Variants in SLC34A1 observed in about 807,000 individuals in gnomAD.
SLC34A1 encodes the protein solute carrier family 34 member 1, also known as sodium-dependent phosphate transport protein 2A.
A neutral mutation model predicts 51.4 loss-of-function variants in SLC34A1; 57 were observed. The ratio of observed to expected loss-of-function variants is 1.11; its 90% CI spans 0.90 to 1.38. The LOEUF is 1.38. SLC34A1 is among the 40% of genes most tolerant of loss of function. The pLI, the probability that SLC34A1 is intolerant of heterozygous loss-of-function variation, is 0.00. For synonymous variants in SLC34A1, 368 were observed against 358.0 expected (o/e 1.03, Z -0.32); for missense variants, 796 against 835.6 (o/e 0.95, Z 0.58).
chr5:177,397,194 A>G, intron 12 of SLC34A1, 120 bp downstream of exon 12: 1 of 1,328,562 alleles, frequency 7.5e-7, no homozygotes, highest in Non-Finnish European at 1.0e-6. Flanking sequence ...GCCACCTAAT[A>G]TGCTCAATGA....
rs1762571255 is a variant in SLC34A1, at chr5:177,386,348, A to G, written c.387A>G (p.Gly129=). The G allele has an allele frequency of 6.2e-7, 1 of 1,614,060 alleles. No homozygotes were observed. The highest frequency in any genetic ancestry group is 8.5e-7 in the Non-Finnish European group (1 of 1,180,030). Residue 129 remains glycine, a splice_region_variant and synonymous_variant, in exon 4 of 13, where the codon GGA becomes GGG. Transcript: ENST00000324417. The surrounding 1 kb of genome is among the most constrained non-coding windows in gnomAD (Gnocchi z 4.8). ...DMLSSAFQLA[G]GKVAGDIFKD... ...TCAGCTCGGCCTTCCAGCTGGCTGG[A>G]GGTAGGGCCCGGGTGGAGGAGACCT...
chr5:177,393,258 T>G (rs189625735), intron 8 of SLC34A1, among the ~76,000 whole-genome samples: 93 of 151,956 alleles, frequency 6.1e-4, no homozygotes, highest in African/African-American at 2.2e-3. Context: ...TAGAGGAGAA[T>G]GGAGCTTGAG....
intron 8 of SLC34A1, among the ~76,000 whole-genome samples, chr5:177,391,504 T>C (rs1471761411): frequency 6.6e-6 from 1 of 152,104 alleles, no homozygotes; most frequent in Non-Finnish European, 1.5e-5. Context: ...GTTAGGTCAG[T>C]GGGGCACACG....
intron 1 of SLC34A1, among the ~76,000 whole-genome samples, chr5:177,385,022 G>A (rs557271165): frequency 6.6e-6 from 1 of 152,058 alleles, no homozygotes; most frequent in East Asian, 2.0e-4. Flanking sequence ...GCGGGGACAA[G>A]GGGGGGCTGA....
intron 8 of SLC34A1, chr5:177,389,819 G>A: frequency 1.1e-5 from 16 of 1,519,774 alleles, no homozygotes; most frequent in East Asian, 2.5e-5. Context: ...GGTTCACTCT[G>A]GGGAGGCCGC....
At position 177,386,916 on chromosome 5, in the gene SLC34A1, T is replaced by C. The variant is rs1272926529; in HGVS notation, c.532+350T>C. Among the ~76,000 whole-genome samples, 3 of 152,068 alleles carry C rather than the reference T, an allele frequency of 2.0e-5. No individual in the cohort carries two copies. The highest frequency in any genetic ancestry group is 7.2e-5 in the African/African-American group (3 of 41,406). On this transcript the variant is annotated intron_variant, in intron 5 of 12. Transcript: ENST00000324417. The surrounding 1 kb of genome is among the most constrained non-coding windows in gnomAD (Gnocchi z 4.8). The stretch of plus-strand genomic sequence containing the variant: ...CAGTTCTGCTTGAGGCCTTTCATTC[T>C]ATTGGATTAGGCTGACCCAGGTTAC...
chr5:177,393,421 A>G (rs540058030), intron 8 of SLC34A1, among the ~76,000 whole-genome samples: 4 of 152,198 alleles, frequency 2.6e-5, no homozygotes, highest in African/African-American at 9.6e-5. Flanking sequence ...GGAGGAAAAG[A>G]AAGACAGGAA....
In SLC34A1 at chr5:177,385,844, C is replaced by T. The variant is rs1371090112; in HGVS notation, c.103C>T (p.Pro35Ser). The stretch of plus-strand genomic sequence containing the variant: ...GACGGCCTTTGCCTACGTGCCCAGC[C>T]CTCAGGGTAAGTGCTGCTCCCACAC... The part of the protein sequence containing the change: ...RGTAFAYVPS[P>S]QVLHRIPGTS... The change falls in exon 2 of 13, where the codon CCT becomes TCT. Residue 35 changes from proline to serine, a missense_variant. Coordinates refer to ENST00000324417, the MANE Select transcript of SLC34A1 (RefSeq NM_003052.5). 2 of 1,613,632 alleles carry T rather than the reference C, an allele frequency of 1.2e-6. No homozygotes were observed. The highest frequency in any genetic ancestry group is 1.7e-6 in the Non-Finnish European group (2 of 1,179,864).
rs1478888061 is a variant in SLC34A1 at position 177,396,971 on chromosome 5, A to G, written c.1313A>G (p.Glu438Gly). 11 of 1,614,034 alleles carry G rather than the reference A, an allele frequency of 6.8e-6. No individual in the cohort carries two copies. The South Asian group carries it at 1.2e-4, about 18-fold the overall frequency. The change falls in exon 12 of 13, where the codon GAG becomes GGG. Residue 438 changes from glutamate to glycine, a missense_variant. Glu to Gly is a moderately conservative substitution (Grantham distance 98). Transcript: ENST00000324417. The surrounding 1 kb of genome is among the most constrained non-coding windows in gnomAD (Gnocchi z 4.0). The part of the protein sequence containing the change: ...PLIGLGVISI[E>G]RAYPLTLGSN... ...CCAGGTCTTGGTGTGATCAGCATTG[A>G]GAGGGCCTACCCGCTCACACTGGGT... is the stretch of plus-strand genomic sequence containing the variant.
chr5:177,386,599 G>C lies in SLC34A1; in HGVS notation c.532+33G>C. ...GGCCCACCAGGGTGGGGAAGAGCTT[G>C]GAGGGGCACCCCAGGAGCTGGGAAG... On this transcript the variant is annotated intron_variant, in intron 5 of 12. Transcript: ENST00000324417. This position sits in a 1 kb window ranked among gnomAD's most constrained non-coding sequence, Gnocchi z 4.8. 1.2e-5 allele frequency: 19 copies of C among 1,612,722 alleles called. No homozygotes were observed. Among genetic ancestry groups the C allele is most frequent in the Non-Finnish European group, 1.6e-5 (19 of 1,179,886 alleles).
chr5:177,385,913 C>T lies in SLC34A1; in HGVS notation c.109+63C>T. Reference sequence around the variant, plus strand: ...ACGGTTGCCCACATCCCGGATGAGGCCACTTCCCCCGCCTGTTCCTCCCCG... The same window carrying T: ...ACGGTTGCCCACATCCCGGATGAGGTCACTTCCCCCGCCTGTTCCTCCCCG... On this transcript the variant is annotated intron_variant, in intron 2 of 12. Coordinates refer to ENST00000324417, the MANE Select transcript of SLC34A1 (RefSeq NM_003052.5). 4 of 1,608,580 alleles carry T rather than the reference C, an allele frequency of 2.5e-6. No individual in the cohort carries two copies. The South Asian group carries it at 4.4e-5, about 18-fold the overall frequency.
intron 5 of SLC34A1, among the ~76,000 whole-genome samples, chr5:177,387,320 A>G (rs1014605381): frequency 8.5e-5 from 13 of 152,102 alleles, no homozygotes; most frequent in East Asian, 3.9e-4. Flanking sequence ...GCATGAACCC[A>G]GGAGGCAGAG....
At chr5:177,391,639 C>G (rs146715525) in intron 8 of SLC34A1, among the ~76,000 whole-genome samples, 1 of 152,350 alleles carries the variant, frequency 6.6e-6, no homozygotes, top group Non-Finnish European at 1.5e-5. Flanking sequence ...TCTGCAGGGG[C>G]CACTGGTCCT....
chr5:177,394,204 C>T lies in SLC34A1; in HGVS notation c.1174+9C>T, dbSNP rs752762105. ...GAAGGTCATCAATACGGGTGAGCTG[C>T]GAGCAGTTGACTGGGCAGGGCCACA... On this transcript the variant is annotated intron_variant, in intron 10 of 12. Coordinates refer to ENST00000324417, the MANE Select transcript of SLC34A1 (RefSeq NM_003052.5). 1.8e-5 allele frequency: 29 copies of T among 1,613,712 alleles called. No homozygotes were observed. The highest frequency in any genetic ancestry group is 4.4e-5 in the South Asian group (4 of 91,084).
intron 8 of SLC34A1, 76 bp from the exon 9 acceptor site, chr5:177,393,618 C>A: frequency 7.1e-7 from 1 of 1,408,314 alleles, no homozygotes; most frequent in South Asian, 1.2e-5. Context: ...TTCCCCATCT[C>A]TCCCTAACTC....
rs533288233 is a variant in SLC34A1, at chr5:177,394,171, G to T, written c.1150G>T (p.Val384Phe). The change falls in exon 10 of 13, where the codon GTC (valine) becomes TTC (phenylalanine). Residue 384 changes from valine (V) to phenylalanine (F), a missense_variant. Val to Phe is a conservative substitution (Grantham distance 50). Transcript: ENST00000324417. ...NSLLKGQVAK[V>F]IQKVINTDFP... is the part of the protein sequence containing the mutation. ...CCTGCTCAAGGGCCAAGTGGCCAAG[G>T]TCATCCAGAAGGTCATCAATACGGG... The T allele has an allele frequency of 1.4e-5, 23 of 1,614,040 alleles. No homozygotes were observed. The highest frequency in any genetic ancestry group is 2.7e-5 in the African/African-American group (2 of 75,056).
chr5:177,391,478 A>G (rs954059609), intron 8 of SLC34A1, among the ~76,000 whole-genome samples: 1 of 152,166 alleles, frequency 6.6e-6, no homozygotes, highest in Non-Finnish European at 1.5e-5. Flanking sequence ...CACAGAGACC[A>G]CTGGGCCCAG....
chr5:177,396,532 GC>G lies in SLC34A1; in HGVS notation c.1175-200del, dbSNP rs1762970316. On this transcript the variant is annotated intron_variant, in intron 10 of 12. Transcript: ENST00000324417. This position sits in a 1 kb window ranked among gnomAD's most constrained non-coding sequence, Gnocchi z 4.0. ...GGAGGTCCTCTCTCCCAGTGCCCCC[GC>G]GGAGGTCCGCTCTCCCAGTGCCCCC... Among the ~76,000 whole-genome samples, 1 of 119,056 alleles carries G rather than the reference GC, an allele frequency of 8.4e-6. No individual in the cohort carries two copies. The highest frequency in any genetic ancestry group is 2.8e-5 in the African/African-American group (1 of 35,484). 78.1% of individuals were successfully genotyped at this position (119,056 alleles called of 152,430 possible).
chr5:177,390,411 C>T lies in SLC34A1; in HGVS notation c.936+2039C>T, dbSNP rs182617930. On this transcript the variant is annotated intron_variant, in intron 8 of 12. Coordinates refer to ENST00000324417, the MANE Select transcript of SLC34A1 (RefSeq NM_003052.5). ...GCAACCTGGGAGGCAGGGATTATCA[C>T]GTCCCCATTTTACAGACGAGGAGCA... 280 of 983,004 alleles carry T rather than the reference C, an allele frequency of 2.8e-4. No homozygotes were observed. The African/African-American group carries it at 4.6e-3, about 16-fold the overall frequency. The allele number at this position is 983,004 out of a possible 1,614,324, so 60.9% of individuals were successfully genotyped here.
Sources: gnomAD v4.1 joint callset for allele counts (sites outside exome capture counted in the v4.1 genomes callset) on GRCh38, gnomAD v4.1.1 for gene constraint, Gnocchi (gnomAD v3.1) non-coding constraint, MANE v1.5 for transcripts, NCBI Gene and HGNC (gene_info 2026-07-23, HGNC 2026-07-21) for gene names.